SOS2: variants seen among roughly 807,000 people sequenced by gnomAD.
SOS2 encodes SOS Ras/Rho guanine nucleotide exchange factor 2.
Under a neutral mutation model 148.2 loss-of-function variants are expected in SOS2, and 65 were observed. That is an observed-to-expected ratio of 0.44 (90% CI 0.36 to 0.54). The LOEUF (loss-of-function observed/expected upper bound fraction) is 0.54, where lower values mean the gene tolerates loss of function less well. Ranked by LOEUF, SOS2 falls within the 20% of genes least tolerant of loss-of-function variation. The pLI is 0.00. For missense variants in SOS2, 1,341 were observed against 1,590.2 expected (o/e 0.84, Z 2.67); for synonymous variants, 539 against 537.1 (o/e 1.00, Z -0.05).
At chr14:50,144,096 G>T (rs1884384801) in intron 16 of SOS2, among the ~76,000 whole-genome samples, 1 of 151,870 alleles carries the variant, frequency 6.6e-6, no homozygotes, top group Admixed American at 6.6e-5. Context: ...TATTTCTAGG[G>T]AAATAATCAA....
At chr14:50,214,203 T>C (rs1209798674) in intron 1 of SOS2, among the ~76,000 whole-genome samples, 1 of 151,968 alleles carries the variant, frequency 6.6e-6, no homozygotes, top group Non-Finnish European at 1.5e-5. Flanking sequence ...TAATTTTGAA[T>C]TGGGGAATGG....
chr14:50,120,401 C>T lies in SOS2; in HGVS notation c.3380-17G>A. 8.7e-7 allele frequency: 1 copy of T among 1,144,938 alleles called. No homozygotes were observed. Among genetic ancestry groups the T allele is most frequent in the Non-Finnish European group, 1.3e-6 (1 of 760,208 alleles). The allele number at this position is 1,144,938 out of a possible 1,614,324, so 70.9% of individuals were successfully genotyped here. On this transcript the variant is annotated splice_polypyrimidine_tract_variant and intron_variant, in intron 21 of 22. Transcript: ENST00000216373. ...AGAAAGACTCTGGGGGAGAAAAAGA[C>T]TAGTTTAACCACAATTCACAGTATA...
rs747926987 is a variant in SOS2, at chr14:50,231,177, GC to G, written c.87+19del. The G allele has an allele frequency of 7.3e-7, 1 of 1,374,978 alleles. No homozygotes were observed. 85.2% of individuals were successfully genotyped at this position (1,374,978 alleles called of 1,614,324 possible). ...GGGGGCCACGGGCCACCCGCCGGCC[GC>G]CCCGCCCCTAGCACTGACCTTCCGC... On this transcript the variant is annotated intron_variant, in intron 1 of 22. Transcript: ENST00000216373.
At chr14:50,217,077 A>G (rs879492174) in intron 1 of SOS2, among the ~76,000 whole-genome samples, 1 of 152,252 alleles carries the variant, frequency 6.6e-6, no homozygotes, top group Non-Finnish European at 1.5e-5. Flanking sequence ...TATGGTAACC[A>G]AAACAGTACG....
At chr14:50,180,161 G>A (rs998390713) in intron 7 of SOS2, among the ~76,000 whole-genome samples, 2 of 151,072 alleles carry the variant, frequency 1.3e-5, no homozygotes, top group African/African-American at 2.4e-5. Flanking sequence ...TCACCACCAC[G>A]CCCAGCTAAC....
In SOS2 at chr14:50,175,861, C is replaced by CAGGTTTA. The variant is rs1885505174; in HGVS notation, c.970-1310_970-1309insTAAACCT. On this transcript the variant is annotated intron_variant, in intron 7 of 22. Transcript: ENST00000216373. ...TCTTCATAAATATTACCATAATTTT[C>CAGGTTTA]ACATTTTGTTAAATTATAATCTTTT... Among the ~76,000 whole-genome samples the CAGGTTTA allele has an allele frequency of 2.0e-5, 3 of 152,270 alleles. No homozygotes were observed. The South Asian group carries it at 6.2e-4, about 32-fold the overall frequency.
At chr14:50,130,216 CTATT>C (rs778766395) in intron 20 of SOS2, among the ~76,000 whole-genome samples, 4 of 152,252 alleles carry the variant, frequency 2.6e-5, no homozygotes, top group East Asian at 1.9e-4. Context: ...CAGAACTTAT[CTATT>C]TGTTTTCTTA....
chr14:50,202,594 G>A (rs566577151), intron 2 of SOS2, among the ~76,000 whole-genome samples: 4 of 152,204 alleles, frequency 2.6e-5, no homozygotes, highest in African/African-American at 9.6e-5. Context: ...AATTAGCCAG[G>A]CATGGTTGCA....
chr14:50,223,841 C>T (rs752985937), intron 1 of SOS2, among the ~76,000 whole-genome samples: 2 of 150,672 alleles, frequency 1.3e-5, no homozygotes, highest in Admixed American at 6.6e-5. Flanking sequence ...TGACAGAGTG[C>T]GACCCTGTCT....
chr14:50,231,372 C>A lies in SOS2; in HGVS notation c.-89G>T. 1 of 388,564 alleles carries A rather than the reference C, an allele frequency of 2.6e-6. No homozygotes were observed. The highest frequency in any genetic ancestry group is 3.6e-6 in the Non-Finnish European group (1 of 280,426). The allele number at this position is 388,564 out of a possible 1,614,324, so 24.1% of individuals were successfully genotyped here. ...CAGGGCGCGGGCCGCCTCGCCTCGC[C>A]GGCGGCCGCCGCCTCCCGCCCGGGC... is the stretch of plus-strand genomic sequence containing the variant. On this transcript the variant is annotated 5_prime_UTR_variant, in exon 1 of 23. Transcript: ENST00000216373.
At chr14:50,224,883 C>CCAAA (rs1247344032) in intron 1 of SOS2, among the ~76,000 whole-genome samples, 102 of 96,686 alleles carry the variant, frequency 1.1e-3, no homozygotes, top group African/African-American at 4.1e-3. Flanking sequence ...AAAACCCTGT[C>CCAAA]AAAAAAAAAA....
At chr14:50,230,424 T>C (rs768349983) in intron 1 of SOS2, among the ~76,000 whole-genome samples, 5 of 152,222 alleles carry the variant, frequency 3.3e-5, no homozygotes, top group African/African-American at 2.4e-5. Context: ...AAAATGATCG[T>C]ATGGTTACTA....
chr14:50,180,450 A>G, intron 7 of SOS2, 122 bp downstream of exon 7: 1 of 586,682 alleles, frequency 1.7e-6, no homozygotes, highest in Non-Finnish European at 2.9e-6. Flanking sequence ...CAGGTTTAGA[A>G]TGAACAAGAT....
chr14:50,118,784 G>GA lies in SOS2; in HGVS notation c.3558_3559insT (p.Pro1187SerfsTer11). The GA allele has an allele frequency of 6.3e-7, 1 of 1,588,862 alleles. No homozygotes were observed. The highest frequency in any genetic ancestry group is 8.6e-7 in the Non-Finnish European group (1 of 1,163,854). ...GCACCAGTAGGAACAGGAACTCTGG[G>GA]TTTTACCTTTGGAGGAGGAGGCTGT... On this transcript the variant is annotated frameshift_variant, in exon 23 of 23. Coordinates refer to ENST00000216373, the MANE Select transcript of SOS2 (RefSeq NM_006939.4). LOFTEE classifies it high-confidence loss of function.
In SOS2 at chr14:50,149,869, T is replaced by C. The variant is rs1031153171; in HGVS notation, c.2384+139A>G. On this transcript the variant is annotated intron_variant, in intron 14 of 22. Transcript: ENST00000216373. The stretch of plus-strand genomic sequence containing the variant: ...TGCAGGGCAGACTAGTTAAAAACTG[T>C]GCTATGACCTTTCCTCTAAGCCCAT... 7.7e-6 allele frequency: 5 copies of C among 645,820 alleles called. 1 individual carries two copies. The highest frequency in any genetic ancestry group is 3.8e-5 in the South Asian group (2 of 53,192). 40.0% of individuals were successfully genotyped at this position (645,820 alleles called of 1,614,324 possible). A position where few individuals can be genotyped will look rare whatever the true frequency, so the allele number is the denominator to read the frequency against.
chr14:50,195,583 A>G (rs1043954101), intron 4 of SOS2, among the ~76,000 whole-genome samples: 2 of 152,008 alleles, frequency 1.3e-5, no homozygotes, highest in African/African-American at 4.8e-5. Flanking sequence ...GCAACATAGC[A>G]AGACCCCATT....
At position 50,227,538 on chromosome 14, in the gene SOS2, C is replaced by T. The variant is rs199968766; in HGVS notation, c.87+3659G>A. ...ATACCATTCTCCTGCCTCAGCCTCC[C>T]GAGTAGCTGGGACTACAGGCGTCCG... On this transcript the variant is annotated intron_variant, in intron 1 of 22. Coordinates refer to ENST00000216373, the MANE Select transcript of SOS2 (RefSeq NM_006939.4). Among the ~76,000 whole-genome samples the T allele has an allele frequency of 3.3e-5, 5 of 152,170 alleles. No homozygotes were observed. The East Asian group carries it at 7.8e-4, about 24-fold the overall frequency.
chr14:50,197,626 T>C (rs1886352883), intron 4 of SOS2, among the ~76,000 whole-genome samples: 1 of 151,804 alleles, frequency 6.6e-6, no homozygotes, highest in African/African-American at 2.4e-5. Context: ...ACCACAGGAT[T>C]ACACTGCAGT....
At chr14:50,167,559 C>A (rs545841554) in intron 8 of SOS2, among the ~76,000 whole-genome samples, 9 of 150,670 alleles carry the variant, frequency 6.0e-5, no homozygotes, top group African/African-American at 2.2e-4. Flanking sequence ...TGATAACAAG[C>A]AAATGTTGCA....
Sources: gnomAD v4.1 joint callset for allele counts (sites outside exome capture counted in the v4.1 genomes callset) on GRCh38, gnomAD v4.1.1 for gene constraint, MANE v1.5 for transcripts, NCBI Gene and HGNC (gene_info 2026-07-23, HGNC 2026-07-21) for gene names.